PC: variants seen among roughly 807,000 people sequenced by gnomAD.
PC encodes the protein pyruvate carboxylase.
Under a neutral mutation model 107.8 loss-of-function variants are expected in PC, and 46 were observed. The observed-to-expected ratio is 0.43, with a 90% CI of 0.34 to 0.55. PC has a LOEUF of 0.55. PC is among the 20% of genes least tolerant of loss of function. PC has a pLI of 0.04. For synonymous variants in PC, 662 were observed against 684.7 expected, an observed-to-expected ratio of 0.97 and a Z score of 0.52; for missense variants, 1,241 against 1,643.1, an observed-to-expected ratio of 0.76 and a Z score of 4.23.
chr11:66,942,057 G>A (rs180989681), intron 3 of PC, among the ~76,000 whole-genome samples: 5,579 of 149,696 alleles, frequency 0.037, 324 homozygotes, highest in African/African-American at 0.13. Context: ...AGCCGAGATC[G>A]CACCATTGCA....
intron 3 of PC, among the ~76,000 whole-genome samples, chr11:66,886,050 G>C (rs922292556): frequency 5.3e-5 from 8 of 152,242 alleles, no homozygotes; most frequent in Non-Finnish European, 1.2e-4. Flanking sequence ...AGCTGGCTGG[G>C]GCAGGCTGAG....
chr11:66,859,010 C>T (rs759978534), intron 12 of PC: 7 of 1,520,608 alleles, frequency 4.6e-6, no homozygotes, highest in East Asian at 2.3e-5. Flanking sequence ...GGCTGGTGAG[C>T]TGGGGTCCCG....
chr11:66,918,584 G>A (rs1948518539), intron 3 of PC, among the ~76,000 whole-genome samples: 1 of 151,666 alleles, frequency 6.6e-6, no homozygotes, highest in Non-Finnish European at 1.5e-5. Context: ...TGTTGGCCAG[G>A]ATGGTCTCGA....
intron 21 of PC, 118 bp downstream of exon 21, chr11:66,849,493 G>C: frequency 6.2e-7 from 1 of 1,603,566 alleles, no homozygotes; most frequent in Non-Finnish European, 8.5e-7. Flanking sequence ...CTAGCTCCCG[G>C]TCTCAAGGGT....
chr11:66,957,110 G>A (rs1395080026), intron 1 of PC, among the ~76,000 whole-genome samples: 1 of 152,240 alleles, frequency 6.6e-6, no homozygotes, highest in African/African-American at 2.4e-5. Flanking sequence ...CCCAGCACAA[G>A]TGTTTGCATC....
chr11:66,867,771 C>T (rs1461318805), intron 10 of PC, among the ~76,000 whole-genome samples: 1 of 152,260 alleles, frequency 6.6e-6, no homozygotes, highest in Non-Finnish European at 1.5e-5. Flanking sequence ...GAGGAGTTCA[C>T]AGCAGCTTGA....
chr11:66,853,658 A>G (rs1945640730), intron 12 of PC, among the ~76,000 whole-genome samples: 1 of 152,164 alleles, frequency 6.6e-6, no homozygotes, highest in African/African-American at 2.4e-5. Flanking sequence ...AGCCTAGAAC[A>G]GGGCTCAGCC....
chr11:66,892,951 G>A (rs1947629146), intron 3 of PC, among the ~76,000 whole-genome samples: 1 of 152,230 alleles, frequency 6.6e-6, no homozygotes, highest in African/African-American at 2.4e-5. Flanking sequence ...TGGAGGGGAG[G>A]CAGAGAAGGA....
intron 3 of PC, among the ~76,000 whole-genome samples, chr11:66,909,647 G>C (rs1214659779): frequency 1.3e-5 from 2 of 152,166 alleles, no homozygotes; most frequent in Non-Finnish European, 2.9e-5. Flanking sequence ...TGCCCTCCAG[G>C]AGCTCACGTC....
chr11:66,932,207 T>C (rs1948875268), intron 3 of PC, among the ~76,000 whole-genome samples: 2 of 152,110 alleles, frequency 1.3e-5, no homozygotes, highest in South Asian at 4.1e-4. Flanking sequence ...GTGCAAGTAT[T>C]ACATAGCTAA....
rs1945326555 is a variant in PC, at chr11:66,849,265, G to A, written c.3253C>T (p.Arg1085Trp). ...QVFFELNGQL[R>W]SILVKDTQAM... is the part of the protein sequence containing the mutation. ...TGGGTGTCCTTGACCAAGATGGACC[G>A]CAGCTGCCCATTGAGCTCAAAGAAG... is the stretch of plus-strand genomic sequence containing the variant. The change falls in exon 22 of 23, where the codon CGG becomes TGG. Residue 1085 changes from arginine (R) to tryptophan (W), a missense_variant. By Grantham distance (101) the Arg-to-Trp change is moderately radical (BLOSUM62 -3). This residue lies in a region of PC where 1,143 missense variants were observed against 1,551.9 expected (regional missense o/e 0.74). Coordinates refer to ENST00000393960, the MANE Select transcript of PC (RefSeq NM_001040716.2). 1 of 1,613,618 alleles carries A rather than the reference G, an allele frequency of 6.2e-7. No individual in the cohort carries two copies. The highest frequency in any genetic ancestry group is 8.5e-7 in the Non-Finnish European group (1 of 1,180,026).
Position 66,863,904 on chromosome 11 carries a change from A to C in PC, c.1238T>G (p.Phe413Cys). ...GTGGGGCGAGATGACGGCTCCTTGG[A>C]AGGCGGAAGCATTATCCAGGCGGAT... The part of the protein sequence containing the change: ...MGIRLDNASA[F>C]QGAVISPHYD... Residue 413 changes from phenylalanine to cysteine, a missense_variant, in exon 12 of 23, where the codon TTC becomes TGC. Around this residue, in one of 2 missense-constraint regions of PC, gnomAD observed 1,143 missense variants for 1,551.9 expected, o/e 0.74. Coordinates refer to ENST00000393960, the MANE Select transcript of PC (RefSeq NM_001040716.2). 6.2e-6 allele frequency: 10 copies of C among 1,614,016 alleles called. No individual in the cohort carries two copies. Among genetic ancestry groups the C allele is most frequent in the Non-Finnish European group, 8.5e-6 (10 of 1,180,012 alleles).
At chr11:66,936,452 C>T (rs117339497) in intron 3 of PC, among the ~76,000 whole-genome samples, 5 of 152,070 alleles carry the variant, frequency 3.3e-5, no homozygotes, top group Admixed American at 2.0e-4. Flanking sequence ...AGGGGAGAGG[C>T]CACCAATATT....
intron 3 of PC, among the ~76,000 whole-genome samples, chr11:66,905,318 A>G (rs1033352555): frequency 5.3e-5 from 8 of 152,302 alleles, no homozygotes; most frequent in African/African-American, 1.7e-4. Context: ...AAGGGTGCCA[A>G]CGCCTGCTGT....
chr11:66,939,804 CAA>C (rs56761659), intron 3 of PC, among the ~76,000 whole-genome samples: 2 of 40,160 alleles, frequency 5.0e-5, no homozygotes, highest in Admixed American at 3.9e-4. Flanking sequence ...AACTCCGTCT[CAA>C]AAAAAAAAAA....
At chr11:66,950,816 T>G (rs150532898) in intron 3 of PC, among the ~76,000 whole-genome samples, 2 of 152,124 alleles carry the variant, frequency 1.3e-5, no homozygotes, top group Admixed American at 6.6e-5. Context: ...GTTTCTTCAG[T>G]TCCATAAGAC....
intron 3 of PC, among the ~76,000 whole-genome samples, chr11:66,922,240 G>T (rs1456678930): frequency 1.3e-5 from 2 of 152,134 alleles, no homozygotes; most frequent in Non-Finnish European, 2.9e-5. Flanking sequence ...ACCATTCTAA[G>T]ATTAAAACAG....
At position 66,860,321 on chromosome 11, in the gene PC, T is replaced by C. The variant is rs770459688; in HGVS notation, c.1368+3453A>G. ...CAGTACCTCAGGCTCCCCTGTGTAC[T>C]TGGAGGGGCAGGGAGCCCTTTCCTC... On this transcript the variant is annotated intron_variant, in intron 12 of 22. Transcript: ENST00000393960. 5.9e-6 allele frequency: 8 copies of C among 1,365,862 alleles called. No individual in the cohort carries two copies. The South Asian group carries it at 8.7e-5, about 15-fold the overall frequency. The allele number at this position is 1,365,862 out of a possible 1,614,324, so 84.6% of individuals were successfully genotyped here.
chr11:66,886,462 C>A (rs1234526005), intron 3 of PC, among the ~76,000 whole-genome samples: 3 of 151,978 alleles, frequency 2.0e-5, no homozygotes, highest in Non-Finnish European at 4.4e-5. Flanking sequence ...GAGCTCAGGA[C>A]CACTGTGGCA....
Sources: allele counts gnomAD v4.1 joint callset (sites outside exome capture counted in the v4.1 genomes callset), GRCh38; gene constraint gnomAD v4.1.1; regional missense constraint gnomAD v4.1.1; transcripts MANE v1.5; gene names NCBI Gene and HGNC (gene_info 2026-07-23, HGNC 2026-07-21).